Variants in RPRD1A observed in about 807,000 individuals in gnomAD.
RPRD1A encodes regulation of nuclear pre-mRNA domain-containing protein 1A.
Under a neutral mutation model 37.8 loss-of-function variants are expected in RPRD1A, and 9 were observed. The ratio of observed to expected loss-of-function variants is 0.24; its 90% CI spans 0.14 to 0.42. The LOEUF (loss-of-function observed/expected upper bound fraction) is 0.42, where lower values mean the gene tolerates loss of function less well. Among genes scored for constraint, RPRD1A ranks in the 10% least tolerant of loss-of-function variants. The probability of loss-of-function intolerance (pLI) is 1.00; values close to 1 mark genes in which losing one functional copy is unlikely to be tolerated. For missense variants in RPRD1A, 255 were observed against 371.0 expected (o/e 0.69, Z 2.57); for synonymous variants, 138 against 139.7 (o/e 0.99, Z 0.08).
At chr18:36,064,121 C>T (rs2088969689) in intron 1 of RPRD1A, 1 of 152,308 alleles carries the variant, frequency 6.6e-6, no homozygotes, top group Admixed American at 6.5e-5. Flanking sequence ...CTCGGCGCCT[C>T]CTCGGCCTCG....
chr18:36,029,185 T>C (rs1304121985), intron 4 of RPRD1A, among the ~76,000 whole-genome samples: 1 of 152,236 alleles, frequency 6.6e-6, no homozygotes, highest in Non-Finnish European at 1.5e-5. Flanking sequence ...ACTCAGGTCG[T>C]GGCCTTGGTC....
intron 6 of RPRD1A, among the ~76,000 whole-genome samples, chr18:35,997,076 A>G (rs1017185747): frequency 1.3e-5 from 2 of 151,954 alleles, no homozygotes; most frequent in African/African-American, 2.4e-5. Flanking sequence ...ATTTTAAACT[A>G]TATAGAATTT....
chr18:36,014,004 C>T (rs1394399956), intron 6 of RPRD1A, among the ~76,000 whole-genome samples: 1 of 151,974 alleles, frequency 6.6e-6, no homozygotes, highest in Non-Finnish European at 1.5e-5. Flanking sequence ...TTTTTATTAT[C>T]TTCCTGTGAT....
chr18:36,019,130 C>CA (rs1430800366), intron 6 of RPRD1A, among the ~76,000 whole-genome samples: 1 of 116,256 alleles, frequency 8.6e-6, no homozygotes, highest in Non-Finnish European at 1.6e-5. Context: ...TTTTTGGAGA[C>CA]AGAGTCTCGC....
intron 6 of RPRD1A, among the ~76,000 whole-genome samples, chr18:36,014,634 TC>T (rs1248092007): frequency 6.6e-6 from 1 of 152,032 alleles, no homozygotes; most frequent in African/African-American, 2.4e-5. Context: ...TCCCAGCTAC[TC>T]GGGAGGCTGA....
intron 2 of RPRD1A, among the ~76,000 whole-genome samples, chr18:36,031,935 C>T (rs1911822253): frequency 6.6e-6 from 1 of 152,194 alleles, no homozygotes; most frequent in Non-Finnish European, 1.5e-5. Flanking sequence ...TACCTAGTAC[C>T]ATACAAATCT....
chr18:36,011,198 T>C (rs1598608376), intron 6 of RPRD1A, among the ~76,000 whole-genome samples: 2 of 152,274 alleles, frequency 1.3e-5, no homozygotes, highest in South Asian at 4.1e-4. Context: ...ATAAAGTCGG[T>C]ACAATTATTA....
Position 35,993,160 on chromosome 18 carries a change from A to C in RPRD1A, c.930T>G (p.Ser310Arg). The change falls in exon 7 of 7, where the codon AGT (serine) becomes AGG (arginine). Residue 310 changes from serine to arginine, a missense_variant. This residue lies in a region of RPRD1A where 211 missense variants were observed against 268.9 expected (regional missense o/e 0.78). Coordinates refer to ENST00000399022, the MANE Select transcript of RPRD1A (RefSeq NM_018170.5). ...GAAAGAGGCTGGTCCATCAATCTTC[A>C]CTGTAGATGTCTCCCGCAAAGGGCA... ...MHLPFAGDIYSED is the reference protein window; with the variant it reads ...MHLPFAGDIYRED 3 of 1,613,512 alleles carry C rather than the reference A, an allele frequency of 1.9e-6. No individual in the cohort carries two copies. Among genetic ancestry groups the C allele is most frequent in the Non-Finnish European group, 2.5e-6 (3 of 1,179,770 alleles).
At chr18:35,998,650 C>A (rs890975941) in intron 6 of RPRD1A, among the ~76,000 whole-genome samples, 2 of 152,194 alleles carry the variant, frequency 1.3e-5, no homozygotes, top group African/African-American at 4.8e-5. Flanking sequence ...CTCAATTCCA[C>A]TGATCATATC....
At chr18:36,056,294 G>T (rs1049149306) in intron 1 of RPRD1A, among the ~76,000 whole-genome samples, 1 of 148,040 alleles carries the variant, frequency 6.8e-6, no homozygotes, top group African/African-American at 2.5e-5. Context: ...GGGTTTTTGT[G>T]TTTTTTTTTT....
At position 35,990,584 on chromosome 18, in the gene RPRD1A, C is replaced by T. The variant is rs1908663788; in HGVS notation, c.*2567G>A. The T allele has an allele frequency of 6.6e-6, 1 of 152,170 alleles. No homozygotes were observed. The highest frequency in any genetic ancestry group is 2.4e-5 in the African/African-American group (1 of 41,456). The allele number at this position is 152,170 out of a possible 1,614,324, so 9.4% of individuals were successfully genotyped here. A position where few individuals can be genotyped will look rare whatever the true frequency, so the allele number is the denominator to read the frequency against. ...AATCTGTTCAGATTGTGACTCCAGACAGCTCTCTGCACTGTATGTGGAGAA... is the reference window on the plus strand; with the variant it reads ...AATCTGTTCAGATTGTGACTCCAGATAGCTCTCTGCACTGTATGTGGAGAA... On this transcript the variant is annotated 3_prime_UTR_variant, in exon 7 of 7. Transcript: ENST00000399022.
chr18:36,058,673 T>C (rs1167190308), intron 1 of RPRD1A, among the ~76,000 whole-genome samples: 5 of 152,232 alleles, frequency 3.3e-5, no homozygotes, highest in Non-Finnish European at 5.9e-5. Context: ...CAATGTATCC[T>C]AGTCTCTTGA....
At chr18:36,013,672 C>T (rs1910315464) in intron 6 of RPRD1A, among the ~76,000 whole-genome samples, 1 of 152,134 alleles carries the variant, frequency 6.6e-6, no homozygotes, top group African/African-American at 2.4e-5. Flanking sequence ...TGTTGCTCTT[C>T]ATGACATCTT....
At chr18:36,056,103 T>G (rs6507158) in intron 1 of RPRD1A, among the ~76,000 whole-genome samples, 39,596 of 151,992 alleles carry the variant, frequency 0.26, 5,433 homozygotes, top group African/African-American at 0.35. Flanking sequence ...CATCCTAAAC[T>G]TTCATCAACA....
At chr18:36,050,866 TTC>T (rs144079451) in intron 1 of RPRD1A, among the ~76,000 whole-genome samples, 5,178 of 150,550 alleles carry the variant, frequency 0.034, 138 homozygotes, top group Non-Finnish European at 0.053. Flanking sequence ...TTCTTTTCTT[TTC>T]TTTTTTTTTT....
intron 6 of RPRD1A, among the ~76,000 whole-genome samples, chr18:36,009,923 ATCTG>A (rs1910068015): frequency 6.6e-6 from 1 of 152,056 alleles, no homozygotes; most frequent in Non-Finnish European, 1.5e-5. Context: ...CCTGCATTTC[ATCTG>A]TCTCTCCCCC....
chr18:36,036,159 G>A (rs559989791), intron 1 of RPRD1A, among the ~76,000 whole-genome samples: 130 of 151,728 alleles, frequency 8.6e-4, no homozygotes, highest in Non-Finnish European at 1.5e-3. Context: ...CTGCAGCCTC[G>A]ACCTCCTGGG....
At chr18:36,033,667 A>G (rs779384123) in intron 2 of RPRD1A, 41 bp downstream of exon 2, 4 of 1,564,966 alleles carry the variant, frequency 2.6e-6, no homozygotes, top group Non-Finnish European at 3.5e-6. Context: ...CATATGGTAC[A>G]TTTAAAACAG....
At chr18:36,027,479 C>CTA (rs1209137219) in intron 4 of RPRD1A, 169 bp from the exon 5 acceptor site, 2 of 656,660 alleles carry the variant, frequency 3.0e-6, no homozygotes, top group Non-Finnish European at 5.1e-6. Flanking sequence ...AAAAAGGAGG[C>CTA]TATACTATGT....
Sources: gnomAD v4.1 joint callset for allele counts (sites outside exome capture counted in the v4.1 genomes callset) on GRCh38, gnomAD v4.1.1 for gene constraint, gnomAD v4.1.1 regional missense constraint, MANE v1.5 for transcripts, NCBI Gene and HGNC (gene_info 2026-07-23, HGNC 2026-07-21) for gene names.